Variants in CNTN4 observed in about 807,000 individuals in gnomAD.
CNTN4 encodes contactin-4.
CNTN4 carries 77 observed loss-of-function variants against 122.5 expected under a neutral mutation model. The observed-to-expected ratio is 0.63, with a 90% CI of 0.52 to 0.76. The LOEUF is 0.76. Ranked by LOEUF, CNTN4 falls within the 30% of genes least tolerant of loss-of-function variation. The pLI, the probability that CNTN4 is intolerant of heterozygous loss-of-function variation, is 0.00. For synonymous variants in CNTN4, 512 were observed against 447.0 expected (o/e 1.15, Z -1.83); for missense variants, 1,256 against 1,259.1 (o/e 1.00, Z 0.04).
rs892341752 is a variant in CNTN4, at chr3:2,614,770, T to C, written c.55+43212T>C. 2.6e-5 allele frequency among the ~76,000 whole-genome samples: 4 copies of C among 152,144 alleles called. No homozygotes were observed. In the South Asian group the frequency reaches 6.2e-4, roughly 24 times the overall value. The stretch of plus-strand genomic sequence containing the variant: ...TGCCTGTCAGACATCCTTGTAGAGA[T>C]GCCAGATAAACAGTTGGATACATCA... On this transcript the variant is annotated intron_variant, in intron 4 of 24. Transcript: ENST00000418658.
At chr3:2,141,567 A>G (rs1464866550) in intron 2 of CNTN4, among the ~76,000 whole-genome samples, 1 of 152,188 alleles carries the variant, frequency 6.6e-6, no homozygotes, top group Non-Finnish European at 1.5e-5. Flanking sequence ...ATTGCTTTAA[A>G]TTACTACATT....
chr3:2,719,298 CT>C (rs59683109), intron 4 of CNTN4, among the ~76,000 whole-genome samples: 201 of 141,044 alleles, frequency 1.4e-3, no homozygotes, highest in Admixed American at 2.2e-3. Context: ...CAAGACTTCA[CT>C]TTTTTTTTTT....
At chr3:2,201,134 C>T (rs954374302) in intron 2 of CNTN4, among the ~76,000 whole-genome samples, 1 of 152,012 alleles carries the variant, frequency 6.6e-6, no homozygotes, top group Non-Finnish European at 1.5e-5. Flanking sequence ...GTCAAACACC[C>T]CACGCTACAC....
intron 3 of CNTN4, among the ~76,000 whole-genome samples, chr3:2,424,403 T>A (rs1279384918): frequency 1.3e-5 from 2 of 152,140 alleles, no homozygotes; most frequent in Non-Finnish European, 2.9e-5. Context: ...ACTCATCCTT[T>A]TTTATGGCCG....
chr3:2,749,262 C>G (rs1320663692), intron 6 of CNTN4, among the ~76,000 whole-genome samples: 1 of 151,820 alleles, frequency 6.6e-6, no homozygotes, highest in Non-Finnish European at 1.5e-5. Flanking sequence ...CTCCTGGGTT[C>G]AAGCTATTCT....
chr3:2,184,255 A>G (rs2037148426), intron 2 of CNTN4, among the ~76,000 whole-genome samples: 1 of 152,100 alleles, frequency 6.6e-6, no homozygotes, highest in African/African-American at 2.4e-5. Context: ...CAAGGGTTGG[A>G]ATTTTACAGG....
At chr3:2,937,145 T>C (rs1362333063) in intron 13 of CNTN4, among the ~76,000 whole-genome samples, 1 of 152,268 alleles carries the variant, frequency 6.6e-6, no homozygotes, top group Non-Finnish European at 1.5e-5. Flanking sequence ...TTTGGTTTGC[T>C]GTGCCTTTTA....
chr3:2,605,391 G>T (rs1576187208), intron 4 of CNTN4, among the ~76,000 whole-genome samples: 1 of 152,180 alleles, frequency 6.6e-6, no homozygotes, highest in African/African-American at 2.4e-5. Flanking sequence ...CAACATGGCA[G>T]ATCATGCAGG....
chr3:2,837,429 T>G (rs1448912052), intron 7 of CNTN4, among the ~76,000 whole-genome samples: 1 of 152,198 alleles, frequency 6.6e-6, no homozygotes, highest in Non-Finnish European at 1.5e-5. Context: ...TAATCCGCTT[T>G]GCTCCTGCCT....
intron 6 of CNTN4, among the ~76,000 whole-genome samples, chr3:2,818,883 C>T (rs79304125): frequency 0.064 from 9,706 of 152,140 alleles, 1,017 homozygotes; most frequent in African/African-American, 0.22. Flanking sequence ...TCTATTTATA[C>T]ATTTTATATA....
At chr3:2,439,777 C>T (rs1420608067) in intron 3 of CNTN4, among the ~76,000 whole-genome samples, 1 of 152,038 alleles carries the variant, frequency 6.6e-6, no homozygotes, top group African/African-American at 2.4e-5. Context: ...AACATTGAAG[C>T]AGTTGTCTTC....
At chr3:2,249,261 A>C (rs1397553469) in intron 2 of CNTN4, among the ~76,000 whole-genome samples, 1 of 151,914 alleles carries the variant, frequency 6.6e-6, no homozygotes, top group Non-Finnish European at 1.5e-5. Flanking sequence ...GGGCTGGGAG[A>C]GGAGTACTAT....
chr3:2,916,454 A>G (rs2094356450), intron 12 of CNTN4, among the ~76,000 whole-genome samples: 1 of 149,642 alleles, frequency 6.7e-6, no homozygotes, highest in Non-Finnish European at 1.5e-5. Context: ...CACATCTTGC[A>G]CCGCCCTTAA....
At chr3:2,998,631 G>A (rs1032996079) in intron 14 of CNTN4, among the ~76,000 whole-genome samples, 4 of 151,946 alleles carry the variant, frequency 2.6e-5, no homozygotes, top group African/African-American at 9.7e-5. Context: ...TGAAATATGA[G>A]TAAGAGTCTA....
chr3:2,622,142 G>C (rs1190440663), intron 4 of CNTN4, among the ~76,000 whole-genome samples: 1 of 152,076 alleles, frequency 6.6e-6, no homozygotes, highest in African/African-American at 2.4e-5. Context: ...TTGCTTTGCT[G>C]TTTCTAGATT....
intron 3 of CNTN4, among the ~76,000 whole-genome samples, chr3:2,508,348 A>T (rs2076792092): frequency 6.6e-6 from 1 of 152,176 alleles, no homozygotes; most frequent in Non-Finnish European, 1.5e-5. Flanking sequence ...TTTTAGTGAG[A>T]GATGCAAGGA....
At chr3:2,612,969 G>A (rs1432691274) in intron 4 of CNTN4, among the ~76,000 whole-genome samples, 1 of 152,164 alleles carries the variant, frequency 6.6e-6, no homozygotes, top group Non-Finnish European at 1.5e-5. Context: ...ACTAGAGGAA[G>A]CATCTTAGGG....
intron 4 of CNTN4, among the ~76,000 whole-genome samples, chr3:2,617,114 C>A (rs562000665): frequency 2.0e-5 from 3 of 152,022 alleles, no homozygotes; most frequent in Admixed American, 6.6e-5. Context: ...CCAAAAGCAA[C>A]GGCAACAAAA....
intron 3 of CNTN4, among the ~76,000 whole-genome samples, chr3:2,560,722 T>C (rs987134959): frequency 3.9e-5 from 6 of 152,200 alleles, no homozygotes; most frequent in Admixed American, 6.5e-5. Flanking sequence ...TTGTGCACTG[T>C]TGCAGCCCTC....
Sources: allele counts gnomAD v4.1 joint callset (sites outside exome capture counted in the v4.1 genomes callset), GRCh38; gene constraint gnomAD v4.1.1; transcripts MANE v1.5; gene names NCBI Gene and HGNC (gene_info 2026-07-23, HGNC 2026-07-21).